The following ADGRF5 variants were observed in gnomAD, a reference collection of about 807,000 sequenced individuals.
ADGRF5 encodes G-protein coupled receptor 116.
In ADGRF5, 75 loss-of-function variants were observed where a neutral mutation model predicts 132.3. The ratio of observed to expected loss-of-function variants is 0.57; its 90% CI spans 0.47 to 0.69. The LOEUF is 0.69. ADGRF5 is among the 30% of genes least tolerant of loss of function. ADGRF5 has a pLI of 0.00. For missense variants in ADGRF5, 1,516 were observed against 1,630.6 expected (o/e 0.93, Z 1.21); for synonymous variants, 629 against 597.6 (o/e 1.05, Z -0.77).
chr6:46,868,471 T>C (rs1770695506), intron 12 of ADGRF5, among the ~76,000 whole-genome samples: 1 of 152,232 alleles, frequency 6.6e-6, no homozygotes, highest in Non-Finnish European at 1.5e-5. Context: ...AAACAATGGA[T>C]AGAGGTAAAC....
At chr6:46,929,696 G>C (rs1025984385) in intron 1 of ADGRF5, among the ~76,000 whole-genome samples, 6 of 151,980 alleles carry the variant, frequency 3.9e-5, no homozygotes, top group African/African-American at 1.4e-4. Context: ...CTTGTTTAAC[G>C]ATGTTTGGCT....
At chr6:46,892,927 G>A (rs1160336463) in intron 3 of ADGRF5, among the ~76,000 whole-genome samples, 1 of 152,142 alleles carries the variant, frequency 6.6e-6, no homozygotes, top group Non-Finnish European at 1.5e-5. Context: ...TGCACTAGGA[G>A]CTGGAGACAC....
chr6:46,899,705 C>G, intron 3 of ADGRF5, among the ~76,000 whole-genome samples: 1 of 150,108 alleles, frequency 6.7e-6, no homozygotes, highest in East Asian at 2.0e-4. Flanking sequence ...AAAAGAAAGG[C>G]TTCTGGATGG....
At chr6:46,907,149 A>T (rs1466550323) in intron 1 of ADGRF5, among the ~76,000 whole-genome samples, 1 of 152,228 alleles carries the variant, frequency 6.6e-6, no homozygotes, top group Admixed American at 6.5e-5. Context: ...ATCATAGAGT[A>T]TCTTTCCACA....
intron 15 of ADGRF5, 139 bp from the exon 16 acceptor site, chr6:46,861,033 T>C (rs1423564333): frequency 1.6e-6 from 1 of 635,278 alleles, no homozygotes; most frequent in African/African-American, 1.8e-5. Context: ...TCCCATAAGA[T>C]GATGTGCTTA....
chr6:46,953,655 A>ATATATATATATAGATATATG (rs1778593480), intron 1 of ADGRF5, among the ~76,000 whole-genome samples: 1 of 22,076 alleles, frequency 4.5e-5, no homozygotes, highest in African/African-American at 1.1e-4. Flanking sequence ...ATATGTGTAT[A>ATATATATATATAGATATATG]TATATATATA....
intron 1 of ADGRF5, among the ~76,000 whole-genome samples, chr6:46,953,689 A>ATATC (rs1324351989): frequency 7.5e-6 from 1 of 132,956 alleles, no homozygotes; most frequent in Non-Finnish European, 1.6e-5. Flanking sequence ...ATATATATAT[A>ATATC]TCTCACTGAC....
intron 3 of ADGRF5, among the ~76,000 whole-genome samples, chr6:46,889,177 A>C (rs903749713): frequency 1.9e-5 from 2 of 105,060 alleles, no homozygotes; most frequent in African/African-American, 7.9e-5. Context: ...ATGTGTGTGT[A>C]TGTGTATACA....
At chr6:46,854,605 C>T (rs1383566803) in intron 20 of ADGRF5, 19 of 541,008 alleles carry the variant, frequency 3.5e-5, no homozygotes, top group South Asian at 2.1e-4. Flanking sequence ...GCAAGGAAGG[C>T]AGCCTCAGAG....
rs375415992 is a variant in ADGRF5, at chr6:46,881,336, A to C, written c.814+119T>G. The C allele has an allele frequency of 4.0e-5, 32 of 802,710 alleles. No individual in the cohort carries two copies. The African/African-American group carries it at 5.1e-4, about 13-fold the overall frequency. The allele number at this position is 802,710 out of a possible 1,614,324, so 49.7% of individuals were successfully genotyped here. On this transcript the variant is annotated intron_variant, in intron 8 of 20. Transcript: ENST00000283296. ...GCATAAGAGGAGGAGGTGGTACAGA[A>C]CCCCCTGTGCCAGGAACTGGAGTGT...
At chr6:46,894,585 C>T (rs1773982310) in intron 3 of ADGRF5, among the ~76,000 whole-genome samples, 2 of 152,156 alleles carry the variant, frequency 1.3e-5, no homozygotes, top group Admixed American at 6.6e-5. Flanking sequence ...CATGAGCCAA[C>T]CAGGAACACA....
At chr6:46,910,901 C>T (rs1581972660) in intron 1 of ADGRF5, among the ~76,000 whole-genome samples, 1 of 152,114 alleles carries the variant, frequency 6.6e-6, no homozygotes, top group Admixed American at 6.6e-5. Flanking sequence ...AATTGGGATG[C>T]AGGAGTTGGT....
chr6:46,901,802 C>T (rs1166372545), intron 2 of ADGRF5, among the ~76,000 whole-genome samples: 1 of 152,100 alleles, frequency 6.6e-6, no homozygotes. Context: ...TAACCTCTTC[C>T]TATTCCCTCC....
At chr6:46,902,222 G>A (rs543170392) in intron 2 of ADGRF5, among the ~76,000 whole-genome samples, 3 of 152,296 alleles carry the variant, frequency 2.0e-5, no homozygotes, top group Admixed American at 6.5e-5. Context: ...AAGGTTCTTC[G>A]TGCTTTCCTG....
At chr6:46,950,434 A>G (rs1474707790) in intron 1 of ADGRF5, among the ~76,000 whole-genome samples, 1 of 152,128 alleles carries the variant, frequency 6.6e-6, no homozygotes, top group Non-Finnish European at 1.5e-5. Context: ...TGATCCTTCA[A>G]CTGTTTGGTG....
At chr6:46,951,773 G>A (rs780142170) in intron 1 of ADGRF5, among the ~76,000 whole-genome samples, 17 of 152,194 alleles carry the variant, frequency 1.1e-4, no homozygotes, top group Non-Finnish European at 2.2e-4. Flanking sequence ...AATGTCTCAT[G>A]GATTTCTCTG....
At chr6:46,859,992 G>A (rs151251827) in intron 16 of ADGRF5, among the ~76,000 whole-genome samples, 389 of 152,262 alleles carry the variant, frequency 2.6e-3, no homozygotes, top group African/African-American at 8.7e-3. Context: ...TGAAGCAGGA[G>A]AATTGCTTGG....
chr6:46,888,707 G>A (rs753747953), intron 3 of ADGRF5, among the ~76,000 whole-genome samples: 2 of 152,218 alleles, frequency 1.3e-5, no homozygotes, highest in African/African-American at 2.4e-5. Context: ...AAGCACTGCT[G>A]TGTGAAGTAT....
intron 1 of ADGRF5, among the ~76,000 whole-genome samples, chr6:46,918,693 T>G (rs2150921177): frequency 6.6e-6 from 1 of 152,340 alleles, no homozygotes; most frequent in East Asian, 1.9e-4. Context: ...CAATTAAAAC[T>G]GGAAAGTCAA....
Sources: allele counts gnomAD v4.1 joint callset (sites outside exome capture counted in the v4.1 genomes callset), GRCh38; gene constraint gnomAD v4.1.1; transcripts MANE v1.5; gene names NCBI Gene and HGNC (gene_info 2026-07-23, HGNC 2026-07-21).